The following PPP2R5E variants were observed in gnomAD, a reference collection of about 807,000 sequenced individuals.
PPP2R5E encodes serine/threonine-protein phosphatase 2A 56 kDa regulatory subunit epsilon isoform.
Under a neutral mutation model 65.3 loss-of-function variants are expected in PPP2R5E, and 4 were observed. That is an observed-to-expected ratio of 0.06 (90% CI 0.03 to 0.14). PPP2R5E has a LOEUF of 0.14. Among genes scored for constraint, PPP2R5E ranks in the 10% least tolerant of loss-of-function variants. PPP2R5E has a pLI of 1.00. For synonymous variants in PPP2R5E, 183 were observed against 187.4 expected (o/e 0.98, Z 0.19); for missense variants, 274 against 556.1 (o/e 0.49, Z 5.10).
intron 3 of PPP2R5E, among the ~76,000 whole-genome samples, chr14:63,425,939 C>A: frequency 6.6e-6 from 1 of 152,180 alleles, no homozygotes; most frequent in East Asian, 1.9e-4. Context: ...GCAGGTAGTT[C>A]TATAAGTATA....
chr14:63,415,644 A>G (rs1403987953), intron 4 of PPP2R5E, among the ~76,000 whole-genome samples: 1 of 152,164 alleles, frequency 6.6e-6, no homozygotes, highest in East Asian at 1.9e-4. Flanking sequence ...AGTTTCACAG[A>G]CTACTTTTAC....
At chr14:63,532,927 T>A (rs1021097961) in intron 2 of PPP2R5E, among the ~76,000 whole-genome samples, 2 of 152,226 alleles carry the variant, frequency 1.3e-5, no homozygotes, top group African/African-American at 4.8e-5. Context: ...GTCGATCTCC[T>A]GGGCTCGAAC....
intron 6 of PPP2R5E, among the ~76,000 whole-genome samples, chr14:63,395,520 G>A (rs1885293236): frequency 3.6e-5 from 1 of 27,894 alleles, no homozygotes. Context: ...GAGGAGGGAA[G>A]AGAGGAGGAG....
At chr14:63,397,188 C>T (rs1220332622) in intron 5 of PPP2R5E, among the ~76,000 whole-genome samples, 4 of 152,202 alleles carry the variant, frequency 2.6e-5, no homozygotes, top group African/African-American at 9.7e-5. Context: ...ATGCTACCTA[C>T]TGATATTCCA....
chr14:63,510,952 T>C (rs936311304), intron 2 of PPP2R5E, among the ~76,000 whole-genome samples: 2 of 152,178 alleles, frequency 1.3e-5, no homozygotes, highest in African/African-American at 2.4e-5. Context: ...GCAGAGAAGA[T>C]AGTGAGAAGT....
chr14:63,513,549 C>T (rs986062330), intron 2 of PPP2R5E, among the ~76,000 whole-genome samples: 3 of 152,258 alleles, frequency 2.0e-5, no homozygotes, highest in Admixed American at 2.0e-4. Flanking sequence ...TCACTTCCTG[C>T]ATATTAAAAA....
chr14:63,524,451 C>T (rs1893097749), intron 2 of PPP2R5E, among the ~76,000 whole-genome samples: 1 of 152,208 alleles, frequency 6.6e-6, no homozygotes, highest in African/African-American at 2.4e-5. Context: ...GCATGAATCT[C>T]GTTTTACCAA....
At chr14:63,516,905 C>A (rs1892689510) in intron 2 of PPP2R5E, among the ~76,000 whole-genome samples, 2 of 152,126 alleles carry the variant, frequency 1.3e-5, no homozygotes, top group African/African-American at 4.8e-5. Flanking sequence ...AATAGCAAAC[C>A]TAATATATAA....
intron 5 of PPP2R5E, among the ~76,000 whole-genome samples, chr14:63,399,230 CTAAG>C (rs767251863): frequency 7.2e-5 from 11 of 152,130 alleles, no homozygotes; most frequent in Non-Finnish European, 1.0e-4. Flanking sequence ...AAACATCATG[CTAAG>C]TAAGTAAAAG....
chr14:63,412,823 C>A (rs960787306), intron 5 of PPP2R5E, among the ~76,000 whole-genome samples: 1 of 152,176 alleles, frequency 6.6e-6, no homozygotes, highest in African/African-American at 2.4e-5. Context: ...CCCTGGCTTT[C>A]AGACTTACTA....
chr14:63,540,654 C>CGGA (rs974918762), intron 1 of PPP2R5E, among the ~76,000 whole-genome samples: 1 of 146,158 alleles, frequency 6.8e-6, no homozygotes, highest in Non-Finnish European at 1.5e-5. Flanking sequence ...ACCCGGGAGG[C>CGGA]GGAGTTGTGG....
intron 3 of PPP2R5E, among the ~76,000 whole-genome samples, chr14:63,431,161 G>A (rs1047750675): frequency 2.6e-5 from 4 of 151,930 alleles, no homozygotes; most frequent in Non-Finnish European, 5.9e-5. Flanking sequence ...CCAGCTACTC[G>A]GGAGACTGAG....
chr14:63,387,224 G>A (rs1264158180), intron 11 of PPP2R5E, among the ~76,000 whole-genome samples: 1 of 152,086 alleles, frequency 6.6e-6, no homozygotes, highest in Non-Finnish European at 1.5e-5. Flanking sequence ...TGGTCTCTTT[G>A]GACATTCCTC....
At chr14:63,478,067 C>G (rs1488336530) in intron 2 of PPP2R5E, among the ~76,000 whole-genome samples, 1 of 152,070 alleles carries the variant, frequency 6.6e-6, no homozygotes, top group Non-Finnish European at 1.5e-5. Context: ...TACTTGGTCA[C>G]CTGCTTAAAC....
chr14:63,469,074 A>C (rs1889981290), intron 2 of PPP2R5E, among the ~76,000 whole-genome samples: 1 of 152,174 alleles, frequency 6.6e-6, no homozygotes, highest in Admixed American at 6.5e-5. Context: ...GTTTAACTTA[A>C]TCATTCATTC....
chr14:63,449,155 C>T (rs868022011), intron 3 of PPP2R5E, among the ~76,000 whole-genome samples: 2 of 152,232 alleles, frequency 1.3e-5, no homozygotes, highest in Middle Eastern at 3.4e-3. Flanking sequence ...CTATCATTTC[C>T]CTCACTAATT....
intron 2 of PPP2R5E, among the ~76,000 whole-genome samples, chr14:63,485,602 C>T (rs1594929287): frequency 6.6e-6 from 1 of 151,454 alleles, no homozygotes; most frequent in Admixed American, 6.6e-5. Flanking sequence ...TTAGTAGAGA[C>T]GGGGTTTCTC....
intron 3 of PPP2R5E, among the ~76,000 whole-genome samples, chr14:63,446,779 A>G (rs1888499703): frequency 6.8e-6 from 1 of 147,644 alleles, no homozygotes; most frequent in African/African-American, 2.5e-5. Context: ...CAGTGAGCTG[A>G]GATAAAGCCA....
At chr14:63,391,108 CA>C (rs1429418270) in intron 10 of PPP2R5E, among the ~76,000 whole-genome samples, 1 of 152,160 alleles carries the variant, frequency 6.6e-6, no homozygotes, top group Non-Finnish European at 1.5e-5. Context: ...ACAGTGACAG[CA>C]AAACCTTCAT....
Sources: allele counts gnomAD v4.1 joint callset (sites outside exome capture counted in the v4.1 genomes callset), GRCh38; gene constraint gnomAD v4.1.1; transcripts MANE v1.5; gene names NCBI Gene and HGNC (gene_info 2026-07-23, HGNC 2026-07-21).